Variants in GRHL1 observed in about 807,000 individuals in gnomAD.
The protein encoded by GRHL1 is grainyhead-like protein 1 homolog.
Under a neutral mutation model 75.7 loss-of-function variants are expected in GRHL1, and 38 were observed. The observed-to-expected ratio is 0.50, with a 90% confidence interval of 0.39 to 0.66. The LOEUF (loss-of-function observed/expected upper bound fraction) is 0.66. Among genes scored for constraint, GRHL1 ranks in the 30% least tolerant of loss-of-function variants. The pLI, the probability that GRHL1 is intolerant of heterozygous loss-of-function variation, is 0.00. For synonymous variants in GRHL1, 266 were observed against 279.4 expected, an observed-to-expected ratio of 0.95 and a Z score of 0.48; for missense variants, 589 against 767.5, an observed-to-expected ratio of 0.77 and a Z score of 2.75.
rs1316911036 is a variant in GRHL1, at chr2:10,002,062, C to T, written c.*1355C>T. The T allele has an allele frequency of 2.0e-5, 3 of 152,594 alleles. No homozygotes were observed. Among genetic ancestry groups the T allele is most frequent in the Non-Finnish European group, 2.9e-5 (2 of 68,004 alleles). The allele number at this position is 152,594 out of a possible 1,614,324, so 9.5% of individuals were successfully genotyped here. On this transcript the variant is annotated 3_prime_UTR_variant, in exon 16 of 16. Coordinates refer to ENST00000324907, the MANE Select transcript of GRHL1 (RefSeq NM_198182.3). Reference sequence around the variant, plus strand: ...GTTCAGGGAACTAGACTAGGTCATTCGTGTAAATGGACTGGTAGTTACAGT... The same window carrying T: ...GTTCAGGGAACTAGACTAGGTCATTTGTGTAAATGGACTGGTAGTTACAGT...
At chr2:9,954,829 T>C in intron 1 of GRHL1, 86 bp from the exon 2 acceptor site, 1 of 1,116,586 alleles carries the variant, frequency 9.0e-7, no homozygotes, top group Non-Finnish European at 1.3e-6. Flanking sequence ...ATAGGCTATT[T>C]TATAGGAATG....
chr2:9,958,824 G>A lies in GRHL1; in HGVS notation c.246G>A (p.Glu82=), dbSNP rs1327625995. 3 of 1,613,800 alleles carry A rather than the reference G, an allele frequency of 1.9e-6. No homozygotes were observed. Among genetic ancestry groups the A allele is most frequent in the Middle Eastern group, 1.6e-4 (1 of 6,062 alleles). Residue 82 remains glutamate (E), a synonymous_variant, in exon 3 of 16, where the codon GAG becomes GAA. Transcript: ENST00000324907. ...GAAGGTCATCAACAGCAAAGCCAGA[G>A]GTGGAGCACCCTGAGCCAGATCACA... ...RERRSSTAKP[E]VEHPEPDHSK... is the part of the protein sequence containing the mutation.
chr2:9,982,769 A>G (rs1455227103), intron 8 of GRHL1, among the ~76,000 whole-genome samples: 5 of 152,252 alleles, frequency 3.3e-5, no homozygotes, highest in African/African-American at 1.2e-4. Flanking sequence ...GATGACTTTA[A>G]CTGGCAACTT....
At chr2:9,961,566 T>C in intron 4 of GRHL1, 130 bp downstream of exon 4, 1 of 860,102 alleles carries the variant, frequency 1.2e-6, no homozygotes, top group Admixed American at 3.0e-5. Context: ...GATTTTTTTT[T>C]TAAGAGAAAA....
At chr2:9,982,407 A>C (rs1668238913) in intron 8 of GRHL1, among the ~76,000 whole-genome samples, 1 of 152,210 alleles carries the variant, frequency 6.6e-6, no homozygotes, top group Non-Finnish European at 1.5e-5. Context: ...ACCAAAAAAA[A>C]CAGTCCCAGC....
At chr2:9,991,529 C>T (rs1245428139) in intron 10 of GRHL1, among the ~76,000 whole-genome samples, 1 of 151,958 alleles carries the variant, frequency 6.6e-6, no homozygotes, top group East Asian at 1.9e-4. Flanking sequence ...GAGTCTCTAA[C>T]TTACTAAATT....
intron 1 of GRHL1, among the ~76,000 whole-genome samples, chr2:9,952,210 G>T (rs1361473880): frequency 1.3e-5 from 2 of 151,978 alleles, no homozygotes; most frequent in South Asian, 4.1e-4. Flanking sequence ...CAACGCCCCC[G>T]GGCCTCCCCG....
chr2:9,954,844 G>A, intron 1 of GRHL1, 71 bp from the exon 2 acceptor site: 1 of 1,228,560 alleles, frequency 8.1e-7, no homozygotes, highest in South Asian at 1.2e-5. Context: ...GGAATGTCAA[G>A]GAATTGGTAG....
At position 9,990,445 on chromosome 2, in the gene GRHL1, C is replaced by T. The variant is rs780413285; in HGVS notation, c.1270-251C>T. On this transcript the variant is annotated intron_variant, in intron 9 of 15. Transcript: ENST00000324907. This position sits in a 1 kb window ranked among gnomAD's most constrained non-coding sequence, Gnocchi z 4.2. Reference sequence around the variant, plus strand: ...GGATTACAGGCATGAGCTACCGCTTCCGGCCGGAATTTTGCTTTATTTGTT... The same window carrying T: ...GGATTACAGGCATGAGCTACCGCTTTCGGCCGGAATTTTGCTTTATTTGTT... Among the ~76,000 whole-genome samples the T allele has an allele frequency of 3.9e-5, 6 of 152,184 alleles. No homozygotes were observed. Among genetic ancestry groups the T allele is most frequent in the Non-Finnish European group, 8.8e-5 (6 of 68,030 alleles).
chr2:9,986,913 T>A (rs6761812), intron 9 of GRHL1, among the ~76,000 whole-genome samples: 2 of 152,008 alleles, frequency 1.3e-5, no homozygotes, highest in African/African-American at 2.4e-5. Flanking sequence ...CTGCCATGTT[T>A]CCCATGCTGG....
chr2:9,967,032 A>G (rs1026919490), intron 8 of GRHL1, among the ~76,000 whole-genome samples: 4 of 152,234 alleles, frequency 2.6e-5, no homozygotes, highest in South Asian at 2.1e-4. Flanking sequence ...ACAGCCTATG[A>G]AAAGTATTGG....
In GRHL1 at chr2:9,955,059, A is replaced by C. The variant is rs758436516; in HGVS notation, c.165A>C (p.Glu55Asp). The C allele has an allele frequency of 9.3e-6, 15 of 1,613,722 alleles. No individual in the cohort carries two copies. The highest frequency in any genetic ancestry group is 1.3e-5 in the Non-Finnish European group (15 of 1,179,740). ...TKAMMSINGD[E>D]DSAAALGLLY... ...CGATGATGAGCATCAATGGAGATGA[A>C]GACAGCGCCGCTGCGCTGGGCCTGC... Residue 55 changes from glutamate (E) to aspartate (D), a missense_variant, in exon 2 of 16, where the codon GAA becomes GAC. Around this residue, in one of 5 missense-constraint regions of GRHL1, gnomAD observed 362 missense variants for 461.8 expected, o/e 0.78. Transcript: ENST00000324907.
At chr2:9,999,622 C>A (rs141883109) in intron 15 of GRHL1, among the ~76,000 whole-genome samples, 26 of 152,362 alleles carry the variant, frequency 1.7e-4, no homozygotes, top group African/African-American at 6.3e-4. Context: ...CCATGCCCTG[C>A]TCTACCCTCC....
At chr2:9,998,775 T>TATATACGTATATATGTACACAC (rs1669095158) in intron 14 of GRHL1, among the ~76,000 whole-genome samples, 190 bp from the exon 15 acceptor site, 1 of 50,390 alleles carries the variant, frequency 2.0e-5, no homozygotes, top group Non-Finnish European at 3.3e-5. Context: ...TGTACACACA[T>TATATACGTATATATGTACACAC]ATATACGTAT....
rs1466190577 is a variant in GRHL1 at position 9,968,731 on chromosome 2, A to T, written c.1110+3350A>T. ...GGGTGCATACAGCGAGATGGGAGAAAGATACACATAGACTCAGCTGGATCA... is the reference window on the plus strand; with the variant it reads ...GGGTGCATACAGCGAGATGGGAGAATGATACACATAGACTCAGCTGGATCA... On this transcript the variant is annotated intron_variant, in intron 8 of 15. Coordinates refer to ENST00000324907, the MANE Select transcript of GRHL1 (RefSeq NM_198182.3). The surrounding 1 kb of genome is among the most constrained non-coding windows in gnomAD (Gnocchi z 4.7). 6.6e-6 allele frequency among the ~76,000 whole-genome samples: 1 copy of T among 152,182 alleles called. No individual in the cohort carries two copies. Among genetic ancestry groups the T allele is most frequent in the Non-Finnish European group, 1.5e-5 (1 of 68,032 alleles).
chr2:9,983,036 C>T (rs765288653), intron 8 of GRHL1, among the ~76,000 whole-genome samples: 2 of 152,148 alleles, frequency 1.3e-5, no homozygotes, highest in African/African-American at 2.4e-5. Context: ...CAGACCTAAG[C>T]GGCTGTGCAT....
chr2:9,952,222 C>G (rs1280878034), intron 1 of GRHL1, among the ~76,000 whole-genome samples: 2 of 152,086 alleles, frequency 1.3e-5, no homozygotes, highest in Non-Finnish European at 2.9e-5. Context: ...GCCTCCCCGC[C>G]CCCCTCTCCT....
rs1328063766 is a variant in GRHL1, at chr2:9,998,582, G to A, written c.1678-383G>A. On this transcript the variant is annotated intron_variant, in intron 14 of 15. Transcript: ENST00000324907. Reference sequence around the variant, plus strand: ...TGTGTACATGTATATATATACATATGTACATATATATGTACACATATATAT... The same window carrying A: ...TGTGTACATGTATATATATACATATATACATATATATGTACACATATATAT... 3.3e-4 allele frequency among the ~76,000 whole-genome samples: 13 copies of A among 39,244 alleles called. 3 individuals carry two copies. The highest frequency in any genetic ancestry group is 1.4e-3 in the Admixed American group (4 of 2,780). The allele number at this position is 39,244 out of a possible 152,430, so 25.7% of individuals were successfully genotyped here.
intron 2 of GRHL1, among the ~76,000 whole-genome samples, chr2:9,956,525 C>CA (rs141637245): frequency 1.5e-3 from 210 of 143,598 alleles, no homozygotes; most frequent in Middle Eastern, 3.5e-3. Context: ...GACCCTATCT[C>CA]AAAAAAAAAA....
Sources: allele counts gnomAD v4.1 joint callset (sites outside exome capture counted in the v4.1 genomes callset), GRCh38; gene constraint gnomAD v4.1.1; regional missense constraint gnomAD v4.1.1; non-coding constraint Gnocchi (gnomAD v3.1); transcripts MANE v1.5; gene names NCBI Gene and HGNC (gene_info 2026-07-23, HGNC 2026-07-21).